SERPINB5: variants seen among roughly 807,000 people sequenced by gnomAD.
The protein encoded by SERPINB5 is serpin family B member 5, also known as serpin B5.
Under a neutral mutation model 32.2 loss-of-function variants are expected in SERPINB5, and 27 were observed. That is an observed-to-expected ratio of 0.84 (90% CI 0.62 to 1.16). The LOEUF is 1.16. SERPINB5 is among the 50% of genes most tolerant of loss of function. The pLI is 0.00. For synonymous variants in SERPINB5, 154 were observed against 157.4 expected (o/e 0.98, Z 0.16); for missense variants, 388 against 436.3 (o/e 0.89, Z 0.99).
rs893850877 is a variant in SERPINB5 at position 63,504,698 on chromosome 18, T to C, written c.*976T>C. 5.3e-5 allele frequency: 8 copies of C among 152,220 alleles called. No homozygotes were observed. The highest frequency in any genetic ancestry group is 3.9e-4 in the Admixed American group (6 of 15,288). The allele number at this position is 152,220 out of a possible 1,614,324, so 9.4% of individuals were successfully genotyped here. On this transcript the variant is annotated 3_prime_UTR_variant, in exon 7 of 7. Coordinates refer to ENST00000382771, the MANE Select transcript of SERPINB5 (RefSeq NM_002639.5). The stretch of plus-strand genomic sequence containing the variant: ...ACAGGGATTCTCACAATAGCCGATA[T>C]CAGAATTTGTGTTGAAGGAACTTGT...
rs1178786065 is a variant in SERPINB5, at chr18:63,493,026, C to A, written c.498C>A (p.Tyr166Ter). 1 of 1,614,230 alleles carries A rather than the reference C, an allele frequency of 6.2e-7. No homozygotes were observed. The highest frequency in any genetic ancestry group is 1.7e-5 in the Admixed American group (1 of 60,028). The stretch of plus-strand genomic sequence containing the variant: ...AAATCCTTGTGGTTAATGCTGCCTA[C>A]TTTGTTGGCAAGTGGATGAAGAAAT... ...QTKILVVNAA[Y>*]FVGKWMKKFS... The change falls in exon 5 of 7, where the codon TAC becomes TAA. Residue 166 changes from tyrosine (Y) to a stop codon, truncating the protein, a stop_gained. Transcript: ENST00000382771. LOFTEE classifies it high-confidence loss of function.
chr18:63,481,644 G>A (rs1917129006), intron 1 of SERPINB5, among the ~76,000 whole-genome samples: 1 of 152,142 alleles, frequency 6.6e-6, no homozygotes, highest in Non-Finnish European at 1.5e-5. Flanking sequence ...GATGAACTTG[G>A]CATTACTAAT....
rs541690677 is a variant in SERPINB5, at chr18:63,499,825, T to C, written c.735+538T>C. ...CTTGCTCTTTCTTTTTTTTTAAAAT[T>C]AGTAGATGTTATTTTTAGAGTAGAT... On this transcript the variant is annotated intron_variant, in intron 6 of 6. Transcript: ENST00000382771. Among the ~76,000 whole-genome samples the C allele has an allele frequency of 1.9e-4, 29 of 152,186 alleles. No homozygotes were observed. The East Asian group carries it at 3.7e-3, about 19-fold the overall frequency.
At chr18:63,479,411 G>A (rs1917089389) in intron 1 of SERPINB5, among the ~76,000 whole-genome samples, 1 of 152,210 alleles carries the variant, frequency 6.6e-6, no homozygotes, top group Admixed American at 6.5e-5. Context: ...GTCTAGAGAA[G>A]TGAGCACGGC....
chr18:63,478,343 G>A (rs1917069904), intron 1 of SERPINB5, among the ~76,000 whole-genome samples: 1 of 152,154 alleles, frequency 6.6e-6, no homozygotes, highest in Non-Finnish European at 1.5e-5. Context: ...AAAGAGACAG[G>A]AGCAGCTATG....
At position 63,490,154 on chromosome 18, in the gene SERPINB5, T is replaced by G. The variant is rs185072043; in HGVS notation, c.424+690T>G. Among the ~76,000 whole-genome samples the G allele has an allele frequency of 3.8e-3, 578 of 152,194 alleles. 2 individuals carry two copies. The highest frequency in any genetic ancestry group is 6.9e-3 in the Non-Finnish European group (469 of 68,002). The stretch of plus-strand genomic sequence containing the variant: ...TTGCAGTGAGCAGAGATCGCGCCAC[T>G]GCACTCCAGCCTGGGCGACAGAGTG... On this transcript the variant is annotated intron_variant, in intron 4 of 6. Coordinates refer to ENST00000382771, the MANE Select transcript of SERPINB5 (RefSeq NM_002639.5).
intron 4 of SERPINB5, 23 bp from the exon 5 acceptor site, chr18:63,492,930 G>A (rs1909370717): frequency 6.2e-7 from 1 of 1,601,746 alleles, no homozygotes; most frequent in Non-Finnish European, 8.5e-7. Flanking sequence ...TCTGCTACTT[G>A]TGTTTTCCTA....
At chr18:63,502,844 C>T (rs1909597387) in intron 6 of SERPINB5, among the ~76,000 whole-genome samples, 1 of 152,024 alleles carries the variant, frequency 6.6e-6, no homozygotes, top group Non-Finnish European at 1.5e-5. Context: ...CATGATGAAA[C>T]CCTGTCTCTA....
Position 63,487,014 on chromosome 18 carries a change from A to G in SERPINB5, c.237A>G (p.Lys79=). The change falls in exon 3 of 7, where the codon AAA becomes AAG. Residue 79 remains lysine, a synonymous_variant. Transcript: ENST00000382771. ...GFQTVTSDVN[K]LSSFYSLKLI... ...AAACAGTAACATCGGATGTAAACAA[A>G]CTTAGTTCCTTTTACTCACTGAAAC... 6.2e-7 allele frequency: 1 copy of G among 1,614,114 alleles called. No individual in the cohort carries two copies. Among genetic ancestry groups the G allele is most frequent in the South Asian group, 1.1e-5 (1 of 91,072 alleles).
intron 1 of SERPINB5, among the ~76,000 whole-genome samples, chr18:63,481,430 G>A (rs1255153161): frequency 6.6e-6 from 1 of 152,166 alleles, no homozygotes; most frequent in Non-Finnish European, 1.5e-5. Context: ...AATTATTCTA[G>A]TTTCTCTTGG....
At chr18:63,485,145 T>C (rs957665464) in intron 2 of SERPINB5, among the ~76,000 whole-genome samples, 7 of 152,188 alleles carry the variant, frequency 4.6e-5, no homozygotes, top group African/African-American at 1.4e-4. Context: ...TCATTCTGAC[T>C]TATAATATTT....
At chr18:63,485,374 T>G (rs2000713) in intron 2 of SERPINB5, among the ~76,000 whole-genome samples, 2 of 152,038 alleles carry the variant, frequency 1.3e-5, no homozygotes, top group African/African-American at 2.4e-5. Flanking sequence ...ATTACTCTTA[T>G]GCTAATCATT....
chr18:63,497,081 T>C (rs1909462747), intron 5 of SERPINB5: 9 of 589,430 alleles, frequency 1.5e-5, no homozygotes, highest in South Asian at 2.7e-5. Flanking sequence ...CCTTCTTGAA[T>C]AGCCCAGAGC....
At chr18:63,483,179 C>A (rs1271049096) in intron 1 of SERPINB5, among the ~76,000 whole-genome samples, 1 of 152,146 alleles carries the variant, frequency 6.6e-6, no homozygotes. Flanking sequence ...TCCACTTTAC[C>A]AGGCTACATA....
At chr18:63,499,493 G>T (rs1031021237) in intron 6 of SERPINB5, among the ~76,000 whole-genome samples, 1 of 152,206 alleles carries the variant, frequency 6.6e-6, no homozygotes, top group Non-Finnish European at 1.5e-5. Flanking sequence ...CACTTACAGT[G>T]TTCTAGGGAC....
Position 63,503,623 on chromosome 18 carries a change from G to C in SERPINB5, c.1029G>C (p.Gln343His). The change falls in exon 7 of 7, where the codon CAG becomes CAC. Residue 343 changes from glutamine (Q) to histidine (H), a missense_variant. Gln to His is a conservative substitution (Grantham distance 24). Coordinates refer to ENST00000382771, the MANE Select transcript of SERPINB5 (RefSeq NM_002639.5). ...AGGTGCCAGGAGCACGGATCCTGCA[G>C]CACAAGGATGAATTGAATGCTGACC... ...SIEVPGARIL[Q>H]HKDELNADHP... 1 of 1,614,210 alleles carries C rather than the reference G, an allele frequency of 6.2e-7. No individual in the cohort carries two copies. The highest frequency in any genetic ancestry group is 8.5e-7 in the Non-Finnish European group (1 of 1,180,014).
At chr18:63,494,659 C>T in intron 5 of SERPINB5, among the ~76,000 whole-genome samples, 1 of 152,200 alleles carries the variant, frequency 6.6e-6, no homozygotes, top group East Asian at 1.9e-4. Context: ...AGGAAAAGCC[C>T]TGCAAGATAC....
intron 6 of SERPINB5, among the ~76,000 whole-genome samples, chr18:63,500,183 T>C (rs2144510228): frequency 6.6e-6 from 1 of 151,094 alleles, no homozygotes; most frequent in South Asian, 2.1e-4. Context: ...TCCTCCTGCC[T>C]CAGCCTCCCA....
chr18:63,487,194 T>C lies in SERPINB5; in HGVS notation c.306+111T>C, dbSNP rs182647502. The C allele has an allele frequency of 2.5e-4, 268 of 1,070,524 alleles. No homozygotes were observed. The African/African-American group carries it at 3.3e-3, about 13-fold the overall frequency. The allele number at this position is 1,070,524 out of a possible 1,614,324, so 66.3% of individuals were successfully genotyped here. ...TGAAATTCCTTTCTAGGATGTTCAC[T>C]TGTGATTTGAGGCTTTAAATAAATA... is the stretch of plus-strand genomic sequence containing the variant. On this transcript the variant is annotated intron_variant, in intron 3 of 6. Coordinates refer to ENST00000382771, the MANE Select transcript of SERPINB5 (RefSeq NM_002639.5).
Sources: allele counts gnomAD v4.1 joint callset (sites outside exome capture counted in the v4.1 genomes callset), GRCh38; gene constraint gnomAD v4.1.1; transcripts MANE v1.5; gene names NCBI Gene and HGNC (gene_info 2026-07-23, HGNC 2026-07-21).